Variants in ASB16 observed in about 807,000 individuals in gnomAD.
ASB16 encodes ankyrin repeat and SOCS box containing 16, also known as ankyrin repeat and SOCS box protein 16.
ASB16 carries 44 observed loss-of-function variants against 39.1 expected under a neutral mutation model. The observed-to-expected ratio is 1.13, with a 90% CI of 0.88 to 1.45. The LOEUF is 1.45. Among genes scored for constraint, ASB16 ranks in the 40% most tolerant of loss-of-function variants. The pLI, the probability that ASB16 is intolerant of heterozygous loss-of-function variation, is 0.00. For synonymous variants in ASB16, 305 were observed against 286.7 expected (o/e 1.06, Z -0.64); for missense variants, 698 against 634.5 (o/e 1.10, Z -1.07).
chr17:44,172,463 C>A, intron 2 of ASB16, 150 bp downstream of exon 2: 1 of 926,776 alleles, frequency 1.1e-6, no homozygotes, highest in Non-Finnish European at 1.6e-6. Flanking sequence ...CCTGGAGACA[C>A]CTCATCCTAC....
In ASB16 at chr17:44,178,448, A is replaced by C. The variant is rs1228213216; in HGVS notation, c.*58A>C. 3.4e-6 allele frequency: 5 copies of C among 1,476,834 alleles called. No individual in the cohort carries two copies. The highest frequency in any genetic ancestry group is 4.6e-6 in the Non-Finnish European group (5 of 1,096,676). 91.5% of individuals were successfully genotyped at this position (1,476,834 alleles called of 1,614,324 possible). A position where few individuals can be genotyped will look rare whatever the true frequency, so the allele number is the denominator to read the frequency against. On this transcript the variant is annotated 3_prime_UTR_variant, in exon 5 of 5. Coordinates refer to ENST00000293414, the MANE Select transcript of ASB16 (RefSeq NM_080863.5). ...GCCCCTCCCACCTGTCCCCGCCTCC[A>C]ACTGCGGAGGACCAGTTCCTGGCCC...
rs896741426 is a variant in ASB16, at chr17:44,178,607, G to A, written c.*217G>A. The stretch of plus-strand genomic sequence containing the variant: ...TGTGCCCCAAACTTCCGAGTAGCTG[G>A]GACTACAGGCATGAGTCACCACACC... On this transcript the variant is annotated 3_prime_UTR_variant, in exon 5 of 5. Coordinates refer to ENST00000293414, the MANE Select transcript of ASB16 (RefSeq NM_080863.5). The A allele has an allele frequency of 1.7e-6, 1 of 579,236 alleles. No homozygotes were observed. The highest frequency in any genetic ancestry group is 3.0e-6 in the Non-Finnish European group (1 of 329,934). The allele number at this position is 579,236 out of a possible 1,614,324, so 35.9% of individuals were successfully genotyped here.
At chr17:44,172,360 T>C (rs1454094880) in intron 2 of ASB16, 47 bp downstream of exon 2, 1 of 1,584,062 alleles carries the variant, frequency 6.3e-7, no homozygotes, top group South Asian at 1.1e-5. Context: ...TGTGTGTGTG[T>C]GTCTCCAGCT....
chr17:44,178,111 G>A (rs1299599418), intron 4 of ASB16, 94 bp from the exon 5 acceptor site: 2 of 1,313,416 alleles, frequency 1.5e-6, no homozygotes, highest in African/African-American at 2.9e-5. Context: ...ACACCCAGGT[G>A]GGTGCATGCT....
chr17:44,178,142 C>A (rs1164358584), intron 4 of ASB16, 63 bp from the exon 5 acceptor site: 2 of 1,579,616 alleles, frequency 1.3e-6, no homozygotes, highest in Non-Finnish European at 1.7e-6. Context: ...AGGACCCCCA[C>A]CGCTGGGTTG....
intron 1 of ASB16, 98 bp from the exon 2 acceptor site, chr17:44,171,948 G>A: frequency 7.6e-7 from 1 of 1,313,394 alleles, no homozygotes; most frequent in South Asian, 1.4e-5. Flanking sequence ...ACCATGCAGA[G>A]GGAAGGCCAG....
In ASB16 at chr17:44,177,109, A is replaced by T. The variant is rs543287668; in HGVS notation, c.941A>T (p.Asn314Ile). 4 of 1,484,866 alleles carry T rather than the reference A, an allele frequency of 2.7e-6. No homozygotes were observed. In the African/African-American group the frequency reaches 5.8e-5, roughly 21 times the overall value. 92.0% of individuals were successfully genotyped at this position (1,484,866 alleles called of 1,614,324 possible). A position where few individuals can be genotyped will look rare whatever the true frequency, so the allele number is the denominator to read the frequency against. Residue 314 changes from asparagine (N) to isoleucine (I), a missense_variant, in exon 3 of 5, where the codon AAT (asparagine) becomes ATT (isoleucine). Physicochemically the swap from Asn to Ile is moderately radical, Grantham distance 149. Transcript: ENST00000293414. ...TACGGGGCCCGCGCTGAGGTCCCCA[A>T]TGGGGCGGGCCACACGCCCATGGAC... ...LRYGARAEVP[N>I]GAGHTPMDCA... is the part of the protein sequence containing the mutation.
rs756724290 is a variant in ASB16 at position 44,177,051 on chromosome 17, G to T, written c.883G>T (p.Gly295Cys). 3.4e-6 allele frequency: 5 copies of T among 1,474,814 alleles called. No homozygotes were observed. The highest frequency in any genetic ancestry group is 4.4e-6 in the Non-Finnish European group (5 of 1,126,536). The allele number at this position is 1,474,814 out of a possible 1,614,324, so 91.4% of individuals were successfully genotyped here. The change falls in exon 3 of 5, where the codon GGC becomes TGC. Residue 295 changes from glycine to cysteine, a missense_variant. Transcript: ENST00000293414. ...HTPLHNACANGCGGLAELLLR... is the reference protein window; with the variant it reads ...HTPLHNACANCCGGLAELLLR... ...GCCGCTGCACAACGCTTGTGCCAAC[G>T]GCTGCGGGGGCCTGGCCGAGCTGCT...
Position 44,178,378 on chromosome 17 carries a change from G to A in ASB16, c.1350G>A (p.Gly450=), listed in dbSNP as rs767201899. ...LRDYLLLRVE[G]CIQ is the part of the protein sequence containing the mutation. ...ACTACCTGCTGCTGCGTGTGGAGGG[G>A]TGCATCCAGTGAACCCCATGTCAGG... Residue 450 remains glycine, a synonymous_variant, in exon 5 of 5, where the codon GGG becomes GGA. Coordinates refer to ENST00000293414, the MANE Select transcript of ASB16 (RefSeq NM_080863.5). 22 of 1,598,208 alleles carry A rather than the reference G, an allele frequency of 1.4e-5. No homozygotes were observed. The South Asian group carries it at 2.1e-4, about 15-fold the overall frequency.
rs1165122298 is a variant in ASB16, at chr17:44,178,483, T to C, written c.*93T>C. The C allele has an allele frequency of 1.0e-5, 14 of 1,352,466 alleles. No homozygotes were observed. The highest frequency in any genetic ancestry group is 5.1e-5 in the East Asian group (2 of 39,430). 83.8% of individuals were successfully genotyped at this position (1,352,466 alleles called of 1,614,324 possible). ...GACCAGTTCCTGGCCCTCTTTTCTTTTCTTTTTGAGACCTAGTCTCACTCT... is the reference window on the plus strand; with the variant it reads ...GACCAGTTCCTGGCCCTCTTTTCTTCTCTTTTTGAGACCTAGTCTCACTCT... On this transcript the variant is annotated 3_prime_UTR_variant, in exon 5 of 5. Coordinates refer to ENST00000293414, the MANE Select transcript of ASB16 (RefSeq NM_080863.5).
chr17:44,177,193 C>T lies in ASB16; in HGVS notation c.1025C>T (p.Ala342Val), dbSNP rs1189721697. The T allele has an allele frequency of 6.5e-7, 1 of 1,539,970 alleles. No individual in the cohort carries two copies. The highest frequency in any genetic ancestry group is 8.7e-7 in the Non-Finnish European group (1 of 1,143,670). The change falls in exon 3 of 5, where the codon GCA (alanine) becomes GTA (valine). Residue 342 changes from alanine (A) to valine (V), a missense_variant. By Grantham distance (64) the Ala-to-Val change is moderately conservative. Transcript: ENST00000293414. ...PNWEPEVLFA[A>V]LLDYGAQPVR... ...TGGGAGCCTGAAGTCCTTTTCGCCG[C>T]ACTGCTGGACTACGGGGCGCAGCCA...
intron 4 of ASB16, 171 bp from the exon 5 acceptor site, chr17:44,178,034 G>C: frequency 1.4e-6 from 1 of 734,972 alleles, no homozygotes; most frequent in East Asian, 2.7e-5. Context: ...CTGAAGTGGA[G>C]CCCCAGCCCG....
At position 44,178,477 on chromosome 17, in the gene ASB16, T is replaced by C; in HGVS notation, c.*87T>C. 2.2e-6 allele frequency: 3 copies of C among 1,362,220 alleles called. No homozygotes were observed. Among genetic ancestry groups the C allele is most frequent in the Non-Finnish European group, 3.0e-6 (3 of 1,014,584 alleles). The allele number at this position is 1,362,220 out of a possible 1,614,324, so 84.4% of individuals were successfully genotyped here. ...GCGGAGGACCAGTTCCTGGCCCTCTTTTCTTTTCTTTTTGAGACCTAGTCT... is the reference window on the plus strand; with the variant it reads ...GCGGAGGACCAGTTCCTGGCCCTCTCTTCTTTTCTTTTTGAGACCTAGTCT... On this transcript the variant is annotated 3_prime_UTR_variant, in exon 5 of 5. Transcript: ENST00000293414.
Position 44,170,982 on chromosome 17 carries a change from C to T in ASB16, c.193C>T (p.Leu65Phe), listed in dbSNP as rs1163755561. The T allele has an allele frequency of 6.2e-7, 1 of 1,614,002 alleles. No homozygotes were observed. Among genetic ancestry groups the T allele is most frequent in the South Asian group, 1.1e-5 (1 of 91,080 alleles). The change falls in exon 1 of 5, where the codon CTC becomes TTC. Residue 65 changes from leucine (L) to phenylalanine (F), a missense_variant. Transcript: ENST00000293414. ...CCGAGACCCAGCTGTCCACCAAGCCCTCTTCTCCGGCAACCTGCAGCAGGT... is the reference window on the plus strand; with the variant it reads ...CCGAGACCCAGCTGTCCACCAAGCCTTCTTCTCCGGCAACCTGCAGCAGGT... The part of the protein sequence containing the change: ...SCRDPAVHQA[L>F]FSGNLQQVQA...
rs187373215 is a variant in ASB16 at position 44,177,410 on chromosome 17, G to A, written c.1062+180G>A. 51 of 1,169,620 alleles carry A rather than the reference G, an allele frequency of 4.4e-5. No individual in the cohort carries two copies. The African/African-American group carries it at 6.6e-4, about 15-fold the overall frequency. The allele number at this position is 1,169,620 out of a possible 1,614,324, so 72.5% of individuals were successfully genotyped here. A position where few individuals can be genotyped will look rare whatever the true frequency, so the allele number is the denominator to read the frequency against. On this transcript the variant is annotated intron_variant, in intron 3 of 4. Transcript: ENST00000293414. ...TCTGGGAGAGAGAGTCCAAGGGAGG[G>A]AAGAGCCCCAGAGGAAAACTGGGGC...
intron 3 of ASB16, 130 bp downstream of exon 3, chr17:44,177,360 C>G (rs939537952): frequency 7.5e-7 from 1 of 1,341,010 alleles, no homozygotes; most frequent in African/African-American, 1.5e-5. Context: ...GGGGCTGTCC[C>G]CAGCTTGGGA....
In ASB16 at chr17:44,179,001, T is replaced by C. The variant is rs2054340598; in HGVS notation, c.*611T>C. The C allele has an allele frequency of 6.5e-6, 1 of 154,632 alleles. No homozygotes were observed. Among genetic ancestry groups the C allele is most frequent in the Non-Finnish European group, 1.4e-5 (1 of 69,712 alleles). The allele number at this position is 154,632 out of a possible 1,614,324, so 9.6% of individuals were successfully genotyped here. A position where few individuals can be genotyped will look rare whatever the true frequency, so the allele number is the denominator to read the frequency against. On this transcript the variant is annotated 3_prime_UTR_variant, in exon 5 of 5. Coordinates refer to ENST00000293414, the MANE Select transcript of ASB16 (RefSeq NM_080863.5). ...AGGTCCCATGCCAAGAACCAGTGAT[T>C]CTAGTGGCCCACCACCTCCCTCTCC...
chr17:44,172,104 C>T lies in ASB16; in HGVS notation c.360C>T (p.Ala120=). 3 of 1,611,846 alleles carry T rather than the reference C, an allele frequency of 1.9e-6. No individual in the cohort carries two copies. Among genetic ancestry groups the T allele is most frequent in the Admixed American group, 1.7e-5 (1 of 59,974 alleles). The change falls in exon 2 of 5, where the codon GCC becomes GCT. Residue 120 remains alanine, a synonymous_variant. Transcript: ENST00000293414. Reference sequence around the variant, plus strand: ...CGGCACCCCTCGCCATCGCTACAGCCCGAGGCTACACAGACTGTGCTCGAC... The same window carrying T: ...CGGCACCCCTCGCCATCGCTACAGCTCGAGGCTACACAGACTGTGCTCGAC... ...KQTAPLAIAT[A]RGYTDCARHL... is the part of the protein sequence containing the mutation.
Position 44,171,059 on chromosome 17 carries a change from G to A in ASB16, c.270G>A (p.Val90=), listed in dbSNP as rs143380581. 2.4e-4 allele frequency: 393 copies of A among 1,613,964 alleles called. No homozygotes were observed. Among genetic ancestry groups the A allele is most frequent in the Non-Finnish European group, 3.2e-4 (377 of 1,180,024 alleles). The part of the protein sequence containing the change: ...EEAANMIVET[V]SNQLAWSAEQ... Reference sequence around the variant, plus strand: ...CCGCCAACATGATTGTGGAGACTGTGAGCAACCAGCTGGCCTGGTCGGCTG... The same window carrying A: ...CCGCCAACATGATTGTGGAGACTGTAAGCAACCAGCTGGCCTGGTCGGCTG... Residue 90 remains valine, a synonymous_variant, in exon 1 of 5, where the codon GTG becomes GTA. Coordinates refer to ENST00000293414, the MANE Select transcript of ASB16 (RefSeq NM_080863.5).
Sources: gnomAD v4.1 joint callset for allele counts on GRCh38, gnomAD v4.1.1 for gene constraint, MANE v1.5 for transcripts, NCBI Gene and HGNC (gene_info 2026-07-23, HGNC 2026-07-21) for gene names.